The following EDARADD variants were observed in gnomAD, a reference collection of about 807,000 sequenced individuals.
EDARADD encodes EDAR associated via death domain.
A neutral mutation model predicts 25.6 loss-of-function variants in EDARADD; 20 were observed. That is an observed-to-expected ratio of 0.78 (90% CI 0.55 to 1.14). The LOEUF (loss-of-function observed/expected upper bound fraction) is 1.14, where lower values mean the gene tolerates loss of function less well. Ranked by LOEUF, EDARADD falls within the 50% of genes most tolerant of loss-of-function variation. EDARADD has a pLI of 0.00. For synonymous variants in EDARADD, 86 were observed against 94.4 expected (o/e 0.91, Z 0.52); for missense variants, 225 against 270.1 (o/e 0.83, Z 1.17).
chr1:236,454,402 C>T (rs557875784), intron 4 of EDARADD, among the ~76,000 whole-genome samples: 2 of 152,278 alleles, frequency 1.3e-5, no homozygotes, highest in African/African-American at 2.4e-5. Context: ...CCTCACACAC[C>T]GCCTGCACCT....
intron 5 of EDARADD, among the ~76,000 whole-genome samples, chr1:236,472,658 A>G (rs1235965644): frequency 6.6e-6 from 1 of 152,172 alleles, no homozygotes; most frequent in Non-Finnish European, 1.5e-5. Flanking sequence ...GCTGTTGGTT[A>G]TTAATGCTTC....
chr1:236,443,052 A>G (rs1162509665), intron 4 of EDARADD, among the ~76,000 whole-genome samples: 1 of 152,306 alleles, frequency 6.6e-6, no homozygotes, highest in African/African-American at 2.4e-5. Context: ...AGGCTTCCTA[A>G]GAAGAAGTTA....
chr1:236,432,534 T>C (rs1658124210), intron 4 of EDARADD, among the ~76,000 whole-genome samples: 1 of 152,174 alleles, frequency 6.6e-6, no homozygotes, highest in South Asian at 2.1e-4. Flanking sequence ...AATGACATTG[T>C]CTTCTATGTT....
intron 1 of EDARADD, among the ~76,000 whole-genome samples, chr1:236,397,860 T>A (rs1214540863): frequency 6.6e-6 from 1 of 151,952 alleles, no homozygotes; most frequent in African/African-American, 2.4e-5. Flanking sequence ...CACACCCCAA[T>A]TTCCCCTTCC....
Position 236,395,977 on chromosome 1 carries a change from C to G in EDARADD, c.61+1472C>G, listed in dbSNP as rs1017875635. Reference sequence around the variant, plus strand: ...GGACTCGGGATGCCAGGTTGAGACACGTCCTGCAAACCTCTGGCAGAAATG... The same window carrying G: ...GGACTCGGGATGCCAGGTTGAGACAGGTCCTGCAAACCTCTGGCAGAAATG... On this transcript the variant is annotated intron_variant, in intron 1 of 5. Transcript: ENST00000334232. The surrounding 1 kb of genome is among the most constrained non-coding windows in gnomAD (Gnocchi z 6.9). Among the ~76,000 whole-genome samples, 3 of 152,222 alleles carry G rather than the reference C, an allele frequency of 2.0e-5. No individual in the cohort carries two copies. The highest frequency in any genetic ancestry group is 7.2e-5 in the African/African-American group (3 of 41,462).
rs1571964038 is a variant in EDARADD at position 236,483,085 on chromosome 1, A to G, written c.*436A>G. On this transcript the variant is annotated 3_prime_UTR_variant, in exon 6 of 6. Transcript: ENST00000334232. Reference sequence around the variant, plus strand: ...TCCCACGGTTTCAAAGAAAACAGCTACAAGGAATGCTTACCTGAGTGTCTG... The same window carrying G: ...TCCCACGGTTTCAAAGAAAACAGCTGCAAGGAATGCTTACCTGAGTGTCTG... 1 of 935,334 alleles carries G rather than the reference A, an allele frequency of 1.1e-6. No homozygotes were observed. Among genetic ancestry groups the G allele is most frequent in the Non-Finnish European group, 1.7e-6 (1 of 598,818 alleles). 57.9% of individuals were successfully genotyped at this position (935,334 alleles called of 1,614,324 possible).
intron 4 of EDARADD, among the ~76,000 whole-genome samples, chr1:236,440,469 C>T (rs1658369034): frequency 6.6e-6 from 1 of 152,096 alleles, no homozygotes; most frequent in Non-Finnish European, 1.5e-5. Flanking sequence ...AGAACTGATA[C>T]CTTGACAACA....
chr1:236,366,694 G>A (rs1202502344), intron 3 of EDARADD, among the ~76,000 whole-genome samples: 1 of 151,844 alleles, frequency 6.6e-6, no homozygotes, highest in Non-Finnish European at 1.5e-5. Flanking sequence ...ATCTTGGCCT[G>A]GAAGCTTTCT....
rs1410285336 is a variant in EDARADD, at chr1:236,474,199, CTACCAT to C, written c.265+5924_265+5929del. Among the ~76,000 whole-genome samples, 11 of 152,226 alleles carry C rather than the reference CTACCAT, an allele frequency of 7.2e-5. No individual in the cohort carries two copies. In the East Asian group the frequency reaches 2.1e-3, roughly 29 times the overall value. ...TGCTTGTCAAGGACTCAGGGCAGGG[CTACCAT>C]ACATTAGGCACAAGAATTTTGATAG... On this transcript the variant is annotated intron_variant, in intron 5 of 5. Coordinates refer to ENST00000334232, the MANE Select transcript of EDARADD (RefSeq NM_145861.4).
In EDARADD at chr1:236,483,083, C is replaced by A; in HGVS notation, c.*434C>A. On this transcript the variant is annotated 3_prime_UTR_variant, in exon 6 of 6. Transcript: ENST00000334232. ...ATTCCCACGGTTTCAAAGAAAACAGCTACAAGGAATGCTTACCTGAGTGTC... is the reference window on the plus strand; with the variant it reads ...ATTCCCACGGTTTCAAAGAAAACAGATACAAGGAATGCTTACCTGAGTGTC... 1.1e-6 allele frequency: 1 copy of A among 919,880 alleles called. No homozygotes were observed. Among genetic ancestry groups the A allele is most frequent in the Non-Finnish European group, 1.7e-6 (1 of 586,672 alleles). The allele number at this position is 919,880 out of a possible 1,614,324, so 57.0% of individuals were successfully genotyped here.
chr1:236,469,810 T>C (rs1198619221), intron 5 of EDARADD, among the ~76,000 whole-genome samples: 3 of 152,192 alleles, frequency 2.0e-5, no homozygotes, highest in Non-Finnish European at 4.4e-5. Context: ...TTTTTTTTCT[T>C]GAGACGGAGT....
chr1:236,358,159 C>A (rs1172970315), intron 3 of EDARADD, among the ~76,000 whole-genome samples: 1 of 152,240 alleles, frequency 6.6e-6, no homozygotes, highest in Non-Finnish European at 1.5e-5. Flanking sequence ...GCACGAGCCA[C>A]TGCACCTGGC....
At chr1:236,380,888 CTATT>C (rs61196944) in intron 3 of EDARADD, among the ~76,000 whole-genome samples, 5,094 of 152,172 alleles carry the variant, frequency 0.033, 211 homozygotes, top group African/African-American at 0.1. Context: ...CAGTGCCTGG[CTATT>C]TATTTAAAGT....
intron 4 of EDARADD, among the ~76,000 whole-genome samples, chr1:236,442,094 C>T (rs1410892367): frequency 6.6e-6 from 1 of 151,912 alleles, no homozygotes; most frequent in Non-Finnish European, 1.5e-5. Context: ...CAACCTTTCA[C>T]TGGAAGAAGA....
rs148150813 is a variant in EDARADD at position 236,421,388 on chromosome 1, T to A, written c.161-6004T>A. 4.3e-4 allele frequency among the ~76,000 whole-genome samples: 63 copies of A among 144,996 alleles called. 2 individuals are homozygous for A. Among genetic ancestry groups the A allele is most frequent in the African/African-American group, 1.3e-3 (53 of 39,752 alleles). On this transcript the variant is annotated intron_variant, in intron 3 of 5. Transcript: ENST00000334232. ...ACAAAAAGAGAACAAGGACTGTGCG[T>A]GGTCCCCTTGGTAAGGGGCGTTGTT... is the stretch of plus-strand genomic sequence containing the variant.
intron 3 of EDARADD, among the ~76,000 whole-genome samples, chr1:236,352,763 G>C (rs1298321384): frequency 6.6e-6 from 1 of 152,034 alleles, no homozygotes; most frequent in African/African-American, 2.4e-5. Context: ...CAGGAGAATC[G>C]CTTGAACCTG....
At chr1:236,354,053 A>T (rs1337707327) in intron 3 of EDARADD, among the ~76,000 whole-genome samples, 2 of 152,100 alleles carry the variant, frequency 1.3e-5, no homozygotes, top group Non-Finnish European at 2.9e-5. Flanking sequence ...GGATTCTAAG[A>T]CACTAAGCCT....
chr1:236,352,864 G>A (rs546020404), intron 3 of EDARADD, among the ~76,000 whole-genome samples: 1 of 151,910 alleles, frequency 6.6e-6, no homozygotes, highest in Non-Finnish European at 1.5e-5. Flanking sequence ...AAATAAATAA[G>A]CCAGGTGCAG....
intron 5 of EDARADD, among the ~76,000 whole-genome samples, chr1:236,475,790 AC>A (rs1245288371): frequency 6.8e-6 from 1 of 146,852 alleles, no homozygotes; most frequent in Non-Finnish European, 1.5e-5. Context: ...AAACACACAC[AC>A]AAAAAAACTT....
Sources: allele counts gnomAD v4.1 joint callset (sites outside exome capture counted in the v4.1 genomes callset), GRCh38; gene constraint gnomAD v4.1.1; non-coding constraint Gnocchi (gnomAD v3.1); transcripts MANE v1.5; gene names NCBI Gene and HGNC (gene_info 2026-07-23, HGNC 2026-07-21).